Variants in SLCO1A2 observed in about 807,000 individuals in gnomAD.
SLCO1A2 encodes the protein OATP-1.
SLCO1A2 carries 67 observed loss-of-function variants against 69.0 expected under a neutral mutation model. The ratio of observed to expected loss-of-function variants is 0.97; its 90% CI spans 0.80 to 1.19. The LOEUF (loss-of-function observed/expected upper bound fraction) is 1.19, where lower values mean the gene tolerates loss of function less well. SLCO1A2 is among the 50% of genes most tolerant of loss of function. The pLI is 0.00. For missense variants in SLCO1A2, 787 were observed against 793.7 expected, an observed-to-expected ratio of 0.99 and a Z score of 0.10; for synonymous variants, 260 against 265.9, an observed-to-expected ratio of 0.98 and a Z score of 0.22.
At chr12:21,408,350 A>G (rs961468901) in intron 1 of SLCO1A2, among the ~76,000 whole-genome samples, 9 of 152,120 alleles carry the variant, frequency 5.9e-5, no homozygotes, top group Admixed American at 5.2e-4. Flanking sequence ...TCTTCTTTGA[A>G]TAAATATCTA....
chr12:21,389,074 C>T (rs1277696325), intron 1 of SLCO1A2, among the ~76,000 whole-genome samples: 2 of 152,236 alleles, frequency 1.3e-5, no homozygotes, highest in East Asian at 3.9e-4. Flanking sequence ...TCAATATTTG[C>T]GAGCTTAGGA....
At chr12:21,331,373 A>G (rs1309033491) in intron 2 of SLCO1A2, among the ~76,000 whole-genome samples, 1 of 152,150 alleles carries the variant, frequency 6.6e-6, no homozygotes, top group Non-Finnish European at 1.5e-5. Context: ...AACCAAGCGC[A>G]TAATTTGTTT....
upstream of SLCO1A2, among the ~76,000 whole-genome samples, chr12:21,398,682 C>G (rs1173100634): frequency 2.0e-5 from 3 of 151,676 alleles, no homozygotes; most frequent in African/African-American, 7.3e-5. Context: ...CCACCATGAT[C>G]AAGTGGGCTT....
intron 3 of SLCO1A2, among the ~76,000 whole-genome samples, chr12:21,316,720 T>C (rs944080102): frequency 2.0e-5 from 3 of 152,136 alleles, no homozygotes; most frequent in African/African-American, 7.2e-5. Context: ...CCATTGTAAT[T>C]ATCACCCTAT....
chr12:21,378,523 G>A, intron 1 of SLCO1A2: 1 of 1,025,580 alleles, frequency 9.8e-7, no homozygotes, highest in Non-Finnish European at 1.5e-6. Flanking sequence ...TATATGGTCT[G>A]TGTGTCTGAT....
At chr12:21,280,435 A>G (rs1392943566) in intron 12 of SLCO1A2, among the ~76,000 whole-genome samples, 3 of 152,142 alleles carry the variant, frequency 2.0e-5, no homozygotes, top group Non-Finnish European at 4.4e-5. Flanking sequence ...AGCATTACTT[A>G]TATCAGACAA....
chr12:21,347,220 C>T (rs928070905), intron 2 of SLCO1A2, among the ~76,000 whole-genome samples: 1 of 152,138 alleles, frequency 6.6e-6, no homozygotes, highest in East Asian at 1.9e-4. Context: ...AATGTTGTAA[C>T]TATTTATAGG....
chr12:21,406,581 A>G (rs1044182215), intron 1 of SLCO1A2, among the ~76,000 whole-genome samples: 1 of 152,234 alleles, frequency 6.6e-6, no homozygotes, highest in African/African-American at 2.4e-5. Context: ...GCCACAGGTC[A>G]TTCTAGGAAC....
chr12:21,309,153 G>A (rs1449231262), intron 4 of SLCO1A2, among the ~76,000 whole-genome samples: 1 of 151,686 alleles, frequency 6.6e-6, no homozygotes, highest in Non-Finnish European at 1.5e-5. Context: ...CTCCCAGAAA[G>A]TAACAAGAAG....
intron 2 of SLCO1A2, among the ~76,000 whole-genome samples, chr12:21,320,377 G>A (rs1447871318): frequency 1.3e-5 from 2 of 152,020 alleles, no homozygotes; most frequent in Admixed American, 1.3e-4. Flanking sequence ...AGAAAGATTG[G>A]TGTCCCTTTC....
chr12:21,377,451 A>G (rs1252552461), intron 1 of SLCO1A2, among the ~76,000 whole-genome samples: 4 of 152,178 alleles, frequency 2.6e-5, no homozygotes, highest in African/African-American at 9.7e-5. Context: ...CAAATTTTTA[A>G]GCATGCAATA....
rs911004402 is a variant in SLCO1A2, at chr12:21,340,549, C to T, written c.-62-5840G>A. Reference sequence around the variant, plus strand: ...TATATTTAGCTCCATTAGCACAGCACGCCTTTCCTCTCCATACCCCAGTCA... The same window carrying T: ...TATATTTAGCTCCATTAGCACAGCATGCCTTTCCTCTCCATACCCCAGTCA... On this transcript the variant is annotated intron_variant, in intron 2 of 15. Coordinates refer to the SLCO1A2 transcript ENST00000307378. Among the ~76,000 whole-genome samples, 9 of 152,028 alleles carry T rather than the reference C, an allele frequency of 5.9e-5. 1 individual carries two copies. Among genetic ancestry groups the T allele is most frequent in the Non-Finnish European group, 8.8e-5 (6 of 67,962 alleles).
In SLCO1A2 at chr12:21,269,693, A is replaced by G; in HGVS notation, c.1868T>C (p.Leu623Ser). 2 of 1,612,760 alleles carry G rather than the reference A, an allele frequency of 1.2e-6. No homozygotes were observed. Reference sequence around the variant, plus strand: ...TTCACCAGGTAGATGACACTTCCTCAAAAGAATTAAGATGATTAAGGCTGG... The same window carrying G: ...TTCACCAGGTAGATGACACTTCCTCGAAAGAATTAAGATGATTAAGGCTGG... ...FVPALIILIL[L>S]RKCHLPGENA... The change falls in exon 15 of 15, where the codon TTG becomes TCG. Residue 623 changes from leucine to serine, a missense_variant. Coordinates refer to ENST00000683939, the MANE Select transcript of SLCO1A2 (RefSeq NM_001386879.1).
intron 3 of SLCO1A2, among the ~76,000 whole-genome samples, chr12:21,317,832 A>T (rs1951072667): frequency 6.6e-6 from 1 of 152,228 alleles, no homozygotes; most frequent in Non-Finnish European, 1.5e-5. Flanking sequence ...ATATTTCTAT[A>T]TAACTTTTTT....
intron 2 of SLCO1A2, chr12:21,373,743 T>G (rs1211021389): frequency 4.3e-6 from 3 of 700,672 alleles, no homozygotes; most frequent in Non-Finnish European, 7.8e-6. Context: ...GGTAGTAATT[T>G]CTTCTATATT....
chr12:21,295,690 C>T lies in SLCO1A2; in HGVS notation c.1178G>A (p.Trp393Ter), dbSNP rs755241596. Residue 393 changes from tryptophan to a stop codon, truncating the protein, a stop_gained, in exon 10 of 15, where the codon TGG (tryptophan) becomes TAG (stop). Transcript: ENST00000683939. LOFTEE classifies it high-confidence loss of function. The stretch of plus-strand genomic sequence containing the variant: ...GAGAAGATACTCAAGTAAGGATAAC[C>T]AACATCCTATGTGGGCAGCTTGTTT... Reference protein sequence around the residue: ...TVKQAAHIGCWLSLLEYLLYF... With the variant: ...TVKQAAHIGC 1.9e-6 allele frequency: 3 copies of T among 1,607,596 alleles called. No individual in the cohort carries two copies. Among genetic ancestry groups the T allele is most frequent in the Non-Finnish European group, 1.7e-6 (2 of 1,174,560 alleles).
chr12:21,274,330 A>C (rs974096916), intron 14 of SLCO1A2, 139 bp downstream of exon 14: 2 of 532,416 alleles, frequency 3.8e-6, no homozygotes, highest in Admixed American at 3.0e-5. Flanking sequence ...AGGAATGGAG[A>C]TATAACATCA....
rs11045990 is a variant in SLCO1A2 at position 21,348,698 on chromosome 12, G to A, written c.-62-13989C>T. On this transcript the variant is annotated intron_variant, in intron 2 of 15. Transcript: ENST00000307378. ...CTTTGAGCCATTTATCAACCACAAG[G>A]AATCAAAGCCAGAAGACATCTTTAT... Among the ~76,000 whole-genome samples, 231 of 152,154 alleles carry A rather than the reference G, an allele frequency of 1.5e-3. 2 individuals are homozygous for A. The highest frequency in any genetic ancestry group is 5.4e-3 in the African/African-American group (226 of 41,504).
At chr12:21,369,645 T>C (rs974621344) in intron 2 of SLCO1A2, among the ~76,000 whole-genome samples, 3 of 152,200 alleles carry the variant, frequency 2.0e-5, no homozygotes, top group African/African-American at 7.2e-5. Flanking sequence ...CCAACTGTAG[T>C]GTGTATGCAA....
Sources: gnomAD v4.1 joint callset for allele counts (sites outside exome capture counted in the v4.1 genomes callset) on GRCh38, gnomAD v4.1.1 for gene constraint, MANE v1.5 for transcripts, NCBI Gene and HGNC (gene_info 2026-07-23, HGNC 2026-07-21) for gene names.